Variants in OAF observed in about 807,000 individuals in gnomAD.
OAF encodes the protein out at first homolog.
OAF carries 13 observed loss-of-function variants against 22.5 expected under a neutral mutation model. The ratio of observed to expected loss-of-function variants is 0.58; its 90% CI spans 0.38 to 0.92. The LOEUF is 0.92. Ranked by LOEUF, OAF falls within the 40% of genes least tolerant of loss-of-function variation. OAF has a pLI of 0.00. For synonymous variants in OAF, 175 were observed against 170.5 expected, an observed-to-expected ratio of 1.03 and a Z score of -0.21; for missense variants, 347 against 381.8, an observed-to-expected ratio of 0.91 and a Z score of 0.76.
chr11:120,211,592 A>G lies in OAF; in HGVS notation c.231+82A>G, dbSNP rs191323381. On this transcript the variant is annotated intron_variant, in intron 1 of 3. Transcript: ENST00000328965. The stretch of plus-strand genomic sequence containing the variant: ...CAGGCGCTCTCTTGCCTGCAGACGG[A>G]AAGACGGGCCCAGGAGGGAGACGCA... 1,248 of 1,008,958 alleles carry G rather than the reference A, an allele frequency of 1.2e-3. 11 individuals carry two copies. The African/African-American group carries it at 0.019, about 15-fold the overall frequency. The allele number at this position is 1,008,958 out of a possible 1,614,324, so 62.5% of individuals were successfully genotyped here. A position where few individuals can be genotyped will look rare whatever the true frequency, so the allele number is the denominator to read the frequency against.
Position 120,211,310 on chromosome 11 carries a change from C to T in OAF, c.31C>T (p.Pro11Ser). 8 of 1,348,858 alleles carry T rather than the reference C, an allele frequency of 5.9e-6. No homozygotes were observed. The highest frequency in any genetic ancestry group is 7.6e-6 in the Non-Finnish European group (8 of 1,052,580). The allele number at this position is 1,348,858 out of a possible 1,614,324, so 83.6% of individuals were successfully genotyped here. The change falls in exon 1 of 4, where the codon CCT becomes TCT. Residue 11 changes from proline to serine, a missense_variant. By Grantham distance (74) the Pro-to-Ser change is moderately conservative (BLOSUM62 -1). Coordinates refer to ENST00000328965, the MANE Select transcript of OAF (RefSeq NM_178507.4). MRLPGVPLAR[P>S]ALLLLLPLLA... The stretch of plus-strand genomic sequence containing the variant: ...CCTTCCCGGGGTACCCCTGGCGCGC[C>T]CTGCGCTGCTGCTGCTGCTGCCGCT...
chr11:120,213,170 T>C (rs1938172884), intron 1 of OAF, among the ~76,000 whole-genome samples: 1 of 152,036 alleles, frequency 6.6e-6, no homozygotes, highest in African/African-American at 2.4e-5. Flanking sequence ...GGCTGAGCTT[T>C]TATAGCCTTT....
chr11:120,228,836 C>T, intron 3 of OAF, 32 bp from the exon 4 acceptor site: 2 of 1,081,288 alleles, frequency 1.8e-6, no homozygotes, highest in Non-Finnish European at 1.4e-6. Flanking sequence ...CCCTCCCTCC[C>T]TCCCTCCCTG....
chr11:120,223,209 C>G (rs555326415), intron 1 of OAF, among the ~76,000 whole-genome samples: 2 of 152,306 alleles, frequency 1.3e-5, no homozygotes, highest in African/African-American at 4.8e-5. Context: ...AGCTGAGCAT[C>G]AAGGAGATGA....
chr11:120,219,258 G>C (rs1938251496), intron 1 of OAF, among the ~76,000 whole-genome samples: 1 of 152,136 alleles, frequency 6.6e-6, no homozygotes, highest in Non-Finnish European at 1.5e-5. Context: ...GAGCCACTGG[G>C]AGACCTTGCG....
At chr11:120,214,823 G>A in intron 1 of OAF, among the ~76,000 whole-genome samples, 1 of 152,250 alleles carries the variant, frequency 6.6e-6, no homozygotes, top group East Asian at 1.9e-4. Context: ...TCAGTAGCTT[G>A]GAGCTATCAG....
In OAF at chr11:120,229,931, T is replaced by G. The variant is rs1229728059; in HGVS notation, c.*789T>G. 2 of 152,464 alleles carry G rather than the reference T, an allele frequency of 1.3e-5. No individual in the cohort carries two copies. Among genetic ancestry groups the G allele is most frequent in the Non-Finnish European group, 2.9e-5 (2 of 68,022 alleles). 9.4% of individuals were successfully genotyped at this position (152,464 alleles called of 1,614,324 possible). On this transcript the variant is annotated 3_prime_UTR_variant, in exon 4 of 4. Coordinates refer to ENST00000328965, the MANE Select transcript of OAF (RefSeq NM_178507.4). ...TTCTACCAGAAATAAACGTTTTAAGTTTTTACTTGACTAATGAGACCCAGA... is the reference window on the plus strand; with the variant it reads ...TTCTACCAGAAATAAACGTTTTAAGGTTTTACTTGACTAATGAGACCCAGA...
rs756196835 is a variant in OAF at position 120,211,411 on chromosome 11, C to T, written c.132C>T (p.Thr44=). Residue 44 remains threonine (T), a synonymous_variant, in exon 1 of 4, where the codon ACC becomes ACT. Transcript: ENST00000328965. ...VRVRLPDGQV[T]EESLQADSDA... is the part of the protein sequence containing the mutation. ...TGCGGCTGCCGGACGGCCAGGTGACCGAGGAGAGCCTGCAGGCGGACAGCG... is the reference window on the plus strand; with the variant it reads ...TGCGGCTGCCGGACGGCCAGGTGACTGAGGAGAGCCTGCAGGCGGACAGCG... 18 of 1,535,958 alleles carry T rather than the reference C, an allele frequency of 1.2e-5. No individual in the cohort carries two copies. Among genetic ancestry groups the T allele is most frequent in the Non-Finnish European group, 1.5e-5 (17 of 1,143,096 alleles).
Position 120,230,104 on chromosome 11 carries a change from T to C in OAF, c.*962T>C, listed in dbSNP as rs1215591007. On this transcript the variant is annotated 3_prime_UTR_variant, in exon 4 of 4. Coordinates refer to ENST00000328965, the MANE Select transcript of OAF (RefSeq NM_178507.4). ...GAAGGAAGGAGGAGAAGGAAGATGT[T>C]ACTAGGGAAGGATGAGATAAAACTT... The C allele has an allele frequency of 6.6e-6, 1 of 152,138 alleles. No individual in the cohort carries two copies. Among genetic ancestry groups the C allele is most frequent in the Non-Finnish European group, 1.5e-5 (1 of 68,032 alleles). The allele number at this position is 152,138 out of a possible 1,614,324, so 9.4% of individuals were successfully genotyped here. A position where few individuals can be genotyped will look rare whatever the true frequency, so the allele number is the denominator to read the frequency against.
intron 1 of OAF, among the ~76,000 whole-genome samples, chr11:120,215,121 G>A (rs55837365): frequency 0.037 from 5,559 of 152,230 alleles, 142 homozygotes; most frequent in Middle Eastern, 0.078. Context: ...TGAGGCAGGC[G>A]GATCACAAGG....
At chr11:120,227,340 G>A (rs549511180) in intron 3 of OAF, among the ~76,000 whole-genome samples, 2 of 152,146 alleles carry the variant, frequency 1.3e-5, no homozygotes, top group African/African-American at 4.8e-5. Context: ...AATGGAGCCT[G>A]TGTGATTATT....
intron 1 of OAF, among the ~76,000 whole-genome samples, chr11:120,222,481 G>C (rs1938290714): frequency 6.6e-6 from 1 of 151,982 alleles, no homozygotes; most frequent in Non-Finnish European, 1.5e-5. Context: ...GCTTGAGCCT[G>C]GGAGGCGGAA....
At chr11:120,217,804 G>A (rs1400206077) in intron 1 of OAF, among the ~76,000 whole-genome samples, 1 of 152,240 alleles carries the variant, frequency 6.6e-6, no homozygotes, top group African/African-American at 2.4e-5. Flanking sequence ...TGTGAGGAGT[G>A]AGGTGCCAGT....
chr11:120,228,825 T>TACCCAGCC, intron 3 of OAF, 43 bp from the exon 4 acceptor site: 1 of 434,174 alleles, frequency 2.3e-6, no homozygotes, highest in Non-Finnish European at 4.7e-6. Flanking sequence ...GCTCCTTCCC[T>TACCCAGCC]CCCTCCCTCC....
intron 1 of OAF, among the ~76,000 whole-genome samples, chr11:120,215,785 CA>C (rs1938204270): frequency 6.6e-6 from 1 of 152,170 alleles, no homozygotes; most frequent in African/African-American, 2.4e-5. Context: ...TCCGAGTGGC[CA>C]AAAGCTGGGA....
At chr11:120,220,908 G>A (rs902145322) in intron 1 of OAF, among the ~76,000 whole-genome samples, 3 of 152,326 alleles carry the variant, frequency 2.0e-5, no homozygotes, top group Admixed American at 1.3e-4. Flanking sequence ...GGCCACTCGG[G>A]TGATAGTAGC....
chr11:120,227,422 G>A (rs1159275888), intron 3 of OAF, among the ~76,000 whole-genome samples: 3 of 152,132 alleles, frequency 2.0e-5, no homozygotes, highest in East Asian at 3.9e-4. Context: ...AGGCCCTGTG[G>A]AGGGAGATTC....
chr11:120,215,606 C>G (rs755883193), intron 1 of OAF, among the ~76,000 whole-genome samples: 3 of 152,228 alleles, frequency 2.0e-5, no homozygotes, highest in Non-Finnish European at 4.4e-5. Context: ...CTCCTTTATA[C>G]TCCACATCCT....
intron 2 of OAF, 100 bp from the exon 3 acceptor site, chr11:120,226,716 A>C: frequency 9.0e-7 from 1 of 1,116,872 alleles, no homozygotes; most frequent in Non-Finnish European, 1.3e-6. Flanking sequence ...CAGCGTTCTA[A>C]AGGCAGTCAG....
Sources: gnomAD v4.1 joint callset for allele counts (sites outside exome capture counted in the v4.1 genomes callset) on GRCh38, gnomAD v4.1.1 for gene constraint, MANE v1.5 for transcripts, NCBI Gene and HGNC (gene_info 2026-07-23, HGNC 2026-07-21) for gene names.